XPC: variants seen among roughly 807,000 people sequenced by gnomAD.
The protein encoded by XPC is DNA repair protein complementing XP-C cells.
Under a neutral mutation model 95.8 loss-of-function variants are expected in XPC, and 76 were observed. The observed-to-expected ratio is 0.79, with a 90% confidence interval of 0.66 to 0.96. The LOEUF is 0.96. XPC is among the 40% of genes least tolerant of loss of function. The pLI is 0.00. For synonymous variants in XPC, 442 were observed against 442.1 expected (o/e 1.00, Z 0.00); for missense variants, 1,146 against 1,179.8 (o/e 0.97, Z 0.42).
chr3:14,149,133 G>T (rs1482060720), intron 11 of XPC, among the ~76,000 whole-genome samples, 185 bp from the exon 12 acceptor site: 1 of 151,872 alleles, frequency 6.6e-6, no homozygotes, highest in Non-Finnish European at 1.5e-5. Context: ...GCCCAGGCTG[G>T]AGTACAGTGG....
chr3:14,165,737 C>T, intron 5 of XPC, 152 bp from the exon 6 acceptor site: 1 of 846,738 alleles, frequency 1.2e-6, no homozygotes, highest in South Asian at 1.7e-5. Context: ...TTGGCCACTT[C>T]CCAAGCTTGT....
At position 14,173,067 on chromosome 3, in the gene XPC, G is replaced by C. The variant is rs1435813712; in HGVS notation, c.104-5C>G. 1 of 1,563,704 alleles carries C rather than the reference G, an allele frequency of 6.4e-7. No individual in the cohort carries two copies. Among genetic ancestry groups the C allele is most frequent in the East Asian group, 2.3e-5 (1 of 44,136 alleles). ...GTTTCTCATCTTCAAAGGCATCTAG[G>C]TGACAACACAGAACATAAGGTGAGG... On this transcript the variant is annotated splice_region_variant and splice_polypyrimidine_tract_variant and intron_variant, in intron 1 of 15. Transcript: ENST00000285021.
intron 11 of XPC, among the ~76,000 whole-genome samples, chr3:14,150,391 C>A (rs963500279): frequency 6.6e-6 from 1 of 152,222 alleles, no homozygotes; most frequent in African/African-American, 2.4e-5. Context: ...ATGTGAAAAG[C>A]CATTCCCCAG....
chr3:14,168,357 CA>C lies in XPC; in HGVS notation c.435del (p.Asp146ThrfsTer2), dbSNP rs1420015873. ...GAGAAGGCTGTACTTTCTCTCACGTCACCCAGCACAGGCTCACTAAGTTCTA... is the reference window on the plus strand; with the variant it reads ...GAGAAGGCTGTACTTTCTCTCACGTCCCCAGCACAGGCTCACTAAGTTCTA... Reference protein sequence around the residue: ...EVEELSEPVLGDVRESTAFSR... With the variant: ...EVEELSEPVLXDVRESTAFSR... On this transcript the variant is annotated frameshift_variant, in exon 4 of 16. Transcript: ENST00000285021. LOFTEE classifies it high-confidence loss of function. The C allele has an allele frequency of 6.2e-7, 1 of 1,613,804 alleles. No homozygotes were observed. Among genetic ancestry groups the C allele is most frequent in the East Asian group, 2.2e-5 (1 of 44,894 alleles).
intron 7 of XPC, among the ~76,000 whole-genome samples, chr3:14,161,478 T>A (rs1464371040): frequency 6.6e-6 from 1 of 151,186 alleles, no homozygotes; most frequent in Non-Finnish European, 1.5e-5. Context: ...CATGACCAAG[T>A]GGTACTTATC....
Position 14,172,882 on chromosome 3 carries a change from T to C in XPC, c.284A>G (p.Asp95Gly), listed in dbSNP as rs1457289989. 1 of 1,613,890 alleles carries C rather than the reference T, an allele frequency of 6.2e-7. No individual in the cohort carries two copies. Among genetic ancestry groups the C allele is most frequent in the Non-Finnish European group, 8.5e-7 (1 of 1,179,828 alleles). ...GACATCTCACCTGAGGTCATCCCCA[T>C]CGCTGAGGGCTTCATCCTTTATAAC... ...LKVIKDEALS[D>G]GDDLRDFPSD... The change falls in exon 2 of 16, where the codon GAT (aspartate) becomes GGT (glycine). Residue 95 changes from aspartate to glycine, a missense_variant. Asp to Gly is a moderately conservative substitution (Grantham distance 94). Transcript: ENST00000285021.
intron 9 of XPC, 131 bp downstream of exon 9, chr3:14,157,880 C>A: frequency 7.6e-7 from 1 of 1,307,192 alleles, no homozygotes; most frequent in Non-Finnish European, 1.0e-6. Flanking sequence ...CTTTATATGG[C>A]TGTGACAATT....
chr3:14,159,950 C>T (rs1696103734), intron 7 of XPC, 120 bp from the exon 8 acceptor site: 1 of 956,518 alleles, frequency 1.0e-6, no homozygotes, highest in Non-Finnish European at 1.6e-6. Flanking sequence ...GCCAGACTGT[C>T]TAACAGTAGG....
intron 9 of XPC, among the ~76,000 whole-genome samples, 155 bp from the exon 10 acceptor site, chr3:14,156,650 C>A (rs1334104461): frequency 6.6e-6 from 1 of 152,188 alleles, no homozygotes; most frequent in Non-Finnish European, 1.5e-5. Context: ...TCTGTACCTC[C>A]GGCCAGTAAG....
intron 7 of XPC, among the ~76,000 whole-genome samples, chr3:14,160,736 A>G (rs1696136477): frequency 2.6e-5 from 4 of 152,152 alleles, no homozygotes; most frequent in Admixed American, 2.6e-4. Flanking sequence ...AATCCAAATA[A>G]TGTCTGTAGT....
At chr3:14,161,090 GA>G (rs1017238771) in intron 7 of XPC, among the ~76,000 whole-genome samples, 5 of 152,138 alleles carry the variant, frequency 3.3e-5, no homozygotes, top group African/African-American at 1.2e-4. Flanking sequence ...ATAACATAGA[GA>G]AAATGGACAA....
At chr3:14,153,769 C>G (rs1279629033) in intron 10 of XPC, among the ~76,000 whole-genome samples, 2 of 152,184 alleles carry the variant, frequency 1.3e-5, no homozygotes, top group East Asian at 3.8e-4. Flanking sequence ...CATCTGTGTC[C>G]TCACCTACCA....
intron 14 of XPC, 51 bp downstream of exon 14, chr3:14,147,857 T>A: frequency 6.6e-7 from 1 of 1,519,546 alleles, no homozygotes; most frequent in Non-Finnish European, 9.0e-7. Context: ...GGCCACCCGC[T>A]GAGTGTTGCT....
chr3:14,146,359 T>C (rs1477048024), intron 15 of XPC, among the ~76,000 whole-genome samples, 200 bp from the exon 16 acceptor site: 1 of 151,972 alleles, frequency 6.6e-6, no homozygotes, highest in Admixed American at 6.5e-5. Context: ...AAGCAGACAC[T>C]GGAGCACCTG....
intron 10 of XPC, chr3:14,153,183 G>T (rs1695766741): frequency 6.6e-6 from 1 of 152,242 alleles, no homozygotes; most frequent in African/African-American, 2.4e-5. Flanking sequence ...TACCCACAGA[G>T]GAATCTGAGG....
chr3:14,167,176 G>A lies in XPC; in HGVS notation c.614C>T (p.Thr205Ile). Residue 205 changes from threonine (T) to isoleucine (I), a missense_variant, in exon 5 of 16, where the codon ACA becomes ATA. Thr to Ile is a moderately conservative substitution (Grantham distance 89). Transcript: ENST00000285021. ...ATCATTCCTTGCCCTTACCTTGTGT[G>A]TGTCCTCATGGACCCCTTTATTGAA... is the stretch of plus-strand genomic sequence containing the variant. The part of the protein sequence containing the change: ...KRFNKGVHED[T>I]HKVHLLCLLA... The A allele has an allele frequency of 6.2e-7, 1 of 1,602,728 alleles. No homozygotes were observed. Among genetic ancestry groups the A allele is most frequent in the Non-Finnish European group, 8.5e-7 (1 of 1,173,864 alleles).
chr3:14,162,119 T>C (rs545290388), intron 7 of XPC, among the ~76,000 whole-genome samples: 2 of 152,094 alleles, frequency 1.3e-5, no homozygotes, highest in African/African-American at 4.8e-5. Flanking sequence ...ACACTGAAAA[T>C]TACAAAATAC....
intron 2 of XPC, 139 bp from the exon 3 acceptor site, chr3:14,170,689 A>C (rs1218214074): frequency 5.6e-5 from 33 of 594,196 alleles, no homozygotes; most frequent in Non-Finnish European, 8.1e-5. Flanking sequence ...GTAAGCTCTG[A>C]GCCTCACTTC....
At chr3:14,166,306 G>C (rs3731108) in intron 5 of XPC, among the ~76,000 whole-genome samples, 2 of 151,670 alleles carry the variant, frequency 1.3e-5, no homozygotes, top group Non-Finnish European at 2.9e-5. Context: ...TTCACCTCCA[G>C]CACCCAACAA....
Sources: allele counts gnomAD v4.1 joint callset (sites outside exome capture counted in the v4.1 genomes callset), GRCh38; gene constraint gnomAD v4.1.1; transcripts MANE v1.5; gene names NCBI Gene and HGNC (gene_info 2026-07-23, HGNC 2026-07-21).